The following DENND4A variants were observed in gnomAD, a reference collection of about 807,000 sequenced individuals.
The protein encoded by DENND4A is C-myc promoter-binding protein.
A neutral mutation model predicts 199.3 loss-of-function variants in DENND4A; 70 were observed. The ratio of observed to expected loss-of-function variants is 0.35; its 90% CI spans 0.29 to 0.43. DENND4A has a LOEUF of 0.43. Among genes scored for constraint, DENND4A ranks in the 20% least tolerant of loss-of-function variants. DENND4A has a pLI of 1.00. For synonymous variants in DENND4A, 686 were observed against 766.9 expected, an observed-to-expected ratio of 0.89 and a Z score of 1.74; for missense variants, 1,723 against 2,255.8, an observed-to-expected ratio of 0.76 and a Z score of 4.78.
Position 65,758,542 on chromosome 15 carries a change from G to A in DENND4A, c.-22-2070C>T, listed in dbSNP as rs550228585. Among the ~76,000 whole-genome samples, 13 of 152,136 alleles carry A rather than the reference G, an allele frequency of 8.5e-5. 1 individual carries two copies. In the South Asian group the frequency reaches 2.5e-3, roughly 29 times the overall value. On this transcript the variant is annotated intron_variant, in intron 2 of 32. Transcript: ENST00000443035. ...GCCCAGGCTGGTCTCAAATTCCTGG[G>A]CTCAAGAGATTCTCCCGCCTCAGCC...
intron 1 of DENND4A, among the ~76,000 whole-genome samples, chr15:65,784,426 C>G (rs897607006): frequency 6.6e-6 from 1 of 150,912 alleles, no homozygotes; most frequent in African/African-American, 2.5e-5. Context: ...ATGTCAGACA[C>G]TGGCAACATG....
chr15:65,742,685 C>T (rs990883382), intron 4 of DENND4A, among the ~76,000 whole-genome samples: 5 of 152,112 alleles, frequency 3.3e-5, no homozygotes, highest in African/African-American at 7.2e-5. Context: ...GTGATCTGTC[C>T]GCCTCGGCCT....
intron 23 of DENND4A, among the ~76,000 whole-genome samples, chr15:65,677,656 A>AT (rs1031553300): frequency 7.2e-5 from 11 of 152,042 alleles, no homozygotes; most frequent in Admixed American, 5.9e-4. Flanking sequence ...TAGGATTATT[A>AT]TTTTTTTTGT....
At chr15:65,692,180 AC>A (rs1306580867) in intron 22 of DENND4A, among the ~76,000 whole-genome samples, 1 of 152,140 alleles carries the variant, frequency 6.6e-6, no homozygotes, top group Non-Finnish European at 1.5e-5. Flanking sequence ...AAGTATGTTA[AC>A]TTTATCCATA....
chr15:65,762,302 T>C (rs2076871611), intron 1 of DENND4A, among the ~76,000 whole-genome samples: 1 of 150,638 alleles, frequency 6.6e-6, no homozygotes, highest in South Asian at 2.2e-4. Context: ...CCACCGCACA[T>C]GGCCTGAAAA....
intron 7 of DENND4A, among the ~76,000 whole-genome samples, chr15:65,734,121 T>C (rs1459434982): frequency 6.6e-6 from 1 of 152,096 alleles, no homozygotes; most frequent in Admixed American, 6.5e-5. Context: ...GCATGCCTCT[T>C]GCAGTTGAGA....
chr15:65,724,260 C>T (rs759815736), intron 11 of DENND4A, among the ~76,000 whole-genome samples: 7 of 152,016 alleles, frequency 4.6e-5, no homozygotes, highest in Non-Finnish European at 1.0e-4. Context: ...GGTCTTGCTT[C>T]GTTGCCCAGG....
At chr15:65,680,829 A>C (rs577087551) in intron 23 of DENND4A, 7 of 152,338 alleles carry the variant, frequency 4.6e-5, no homozygotes, top group African/African-American at 1.7e-4. Context: ...CAACAGCATT[A>C]TGTCTAAAAA....
chr15:65,696,445 A>G lies in DENND4A; in HGVS notation c.3003T>C (p.Ser1001=), dbSNP rs377477941. The change falls in exon 22 of 33, where the codon AGT becomes AGC. Residue 1001 remains serine (S), a synonymous_variant. Coordinates refer to ENST00000443035, the MANE Select transcript of DENND4A (RefSeq NM_001320835.1). ...GAACGATACTGGAAGAATTTTGATA[A>G]CTGAGCTTAGGAAGGCAATCAGCAC... The part of the protein sequence containing the change: ...KGSADCLPKL[S]YQNSSSIVRL... 2 of 1,612,844 alleles carry G rather than the reference A, an allele frequency of 1.2e-6. No homozygotes were observed. The highest frequency in any genetic ancestry group is 2.2e-5 in the East Asian group (1 of 44,830).
intron 4 of DENND4A, among the ~76,000 whole-genome samples, chr15:65,743,567 C>A (rs1264878851): frequency 6.6e-6 from 1 of 152,210 alleles, no homozygotes; most frequent in Non-Finnish European, 1.5e-5. Context: ...TACTACAGCA[C>A]TTAACACTTT....
At chr15:65,706,016 A>G in intron 15 of DENND4A, 75 bp downstream of exon 15, 1 of 1,394,326 alleles carries the variant, frequency 7.2e-7, no homozygotes, top group South Asian at 2.0e-5. Context: ...AAAATACCAC[A>G]GTCCTTAGAA....
At chr15:65,772,471 G>C (rs566024949) in intron 1 of DENND4A, among the ~76,000 whole-genome samples, 35 of 152,158 alleles carry the variant, frequency 2.3e-4, no homozygotes, top group Non-Finnish European at 4.4e-4. Context: ...CACTTTGGGA[G>C]GCCAAGGCAG....
At chr15:65,782,234 T>C (rs1053980311) in intron 1 of DENND4A, among the ~76,000 whole-genome samples, 2 of 152,204 alleles carry the variant, frequency 1.3e-5, no homozygotes, top group Non-Finnish European at 2.9e-5. Context: ...GGTGCCTTTC[T>C]GCTCTCAAAC....
chr15:65,736,242 CAG>C (rs1483213770), intron 7 of DENND4A, among the ~76,000 whole-genome samples: 1 of 151,892 alleles, frequency 6.6e-6, no homozygotes, highest in East Asian at 1.9e-4. Flanking sequence ...AAAAGTCAAA[CAG>C]AACAATAGAT....
intron 23 of DENND4A, among the ~76,000 whole-genome samples, chr15:65,677,881 C>A (rs1196598690): frequency 1.4e-5 from 2 of 147,568 alleles, no homozygotes; most frequent in African/African-American, 5.0e-5. Context: ...ATAGTTTTAG[C>A]ATTAGTTTTG....
intron 22 of DENND4A, among the ~76,000 whole-genome samples, chr15:65,694,464 T>C (rs114181322): frequency 0.016 from 2,344 of 150,680 alleles, 69 homozygotes; most frequent in African/African-American, 0.054. Flanking sequence ...AAAAAAAAAA[T>C]TCAAGATAGG....
intron 14 of DENND4A, among the ~76,000 whole-genome samples, chr15:65,711,574 C>T (rs1438579541): frequency 6.6e-6 from 1 of 152,216 alleles, no homozygotes; most frequent in East Asian, 1.9e-4. Flanking sequence ...TGCAGGGTTC[C>T]ACAAGTCTGT....
intron 15 of DENND4A, among the ~76,000 whole-genome samples, chr15:65,704,682 C>T (rs1596478407): frequency 6.6e-6 from 1 of 152,182 alleles, no homozygotes; most frequent in Non-Finnish European, 1.5e-5. Context: ...CCTCCACCTC[C>T]CCGGTTCAAG....
intron 14 of DENND4A, 110 bp downstream of exon 14, chr15:65,715,368 A>T: frequency 4.5e-6 from 5 of 1,101,322 alleles, no homozygotes; most frequent in Non-Finnish European, 6.1e-6. Flanking sequence ...AACGATGAAA[A>T]TGAAATTAAT....
Sources: allele counts gnomAD v4.1 joint callset (sites outside exome capture counted in the v4.1 genomes callset), GRCh38; gene constraint gnomAD v4.1.1; transcripts MANE v1.5; gene names NCBI Gene and HGNC (gene_info 2026-07-23, HGNC 2026-07-21).